Variants in CEP112 observed in about 807,000 individuals in gnomAD.
CEP112 encodes the protein centrosomal protein of 112 kDa.
In CEP112, 127 loss-of-function variants were observed where a neutral mutation model predicts 153.0. The observed-to-expected ratio is 0.83, with a 90% CI of 0.72 to 0.96. The LOEUF (loss-of-function observed/expected upper bound fraction) is 0.96. Ranked by LOEUF, CEP112 falls within the 40% of genes least tolerant of loss-of-function variation. CEP112 has a pLI of 0.00. For missense variants in CEP112, 1,089 were observed against 1,101.2 expected, an observed-to-expected ratio of 0.99 and a Z score of 0.16; for synonymous variants, 358 against 374.4, an observed-to-expected ratio of 0.96 and a Z score of 0.51.
chr17:65,948,593 CAT>C (rs1009733594), intron 18 of CEP112, among the ~76,000 whole-genome samples: 18 of 44,036 alleles, frequency 4.1e-4, no homozygotes, highest in East Asian at 7.5e-3. Context: ...TATATATATA[CAT>C]ACATAGAAAT....
At chr17:66,162,390 C>T (rs1034653038) in intron 4 of CEP112, among the ~76,000 whole-genome samples, 3 of 152,100 alleles carry the variant, frequency 2.0e-5, no homozygotes, top group East Asian at 1.9e-4. Flanking sequence ...TAAACTGGTA[C>T]AGCCACTTTG....
intron 6 of CEP112, among the ~76,000 whole-genome samples, chr17:66,117,085 G>A (rs1568508971): frequency 6.6e-6 from 1 of 151,744 alleles, no homozygotes; most frequent in Non-Finnish European, 1.5e-5. Context: ...TAGTAGAGAC[G>A]GGGTTTCACC....
intron 23 of CEP112, among the ~76,000 whole-genome samples, chr17:65,727,440 C>G (rs543416023): frequency 6.6e-6 from 1 of 152,256 alleles, no homozygotes; most frequent in East Asian, 1.9e-4. Context: ...AAGCTGAGAG[C>G]CTTTTGGCAG....
intron 21 of CEP112, among the ~76,000 whole-genome samples, chr17:65,841,917 C>T (rs1278418857): frequency 6.6e-6 from 1 of 151,928 alleles, no homozygotes; most frequent in Non-Finnish European, 1.5e-5. Context: ...TACACACACA[C>T]ACACACACGA....
intron 11 of CEP112, 95 bp downstream of exon 11, chr17:66,062,868 C>T: frequency 3.5e-6 from 2 of 568,286 alleles, no homozygotes; most frequent in Non-Finnish European, 5.8e-6. Flanking sequence ...TTAAACTTTT[C>T]TGTATATTCT....
intron 17 of CEP112, among the ~76,000 whole-genome samples, chr17:65,966,218 A>G (rs2062409447): frequency 6.6e-6 from 1 of 152,242 alleles, no homozygotes; most frequent in Non-Finnish European, 1.5e-5. Flanking sequence ...AGAAAAAAGA[A>G]GCTGCATTGT....
chr17:65,922,703 G>GGTTTTCCCTTCTCCCCT (rs1279634610), intron 19 of CEP112, among the ~76,000 whole-genome samples: 54 of 151,930 alleles, frequency 3.6e-4, no homozygotes, highest in African/African-American at 1.2e-3. Flanking sequence ...CTTTAAATTT[G>GGTTTTCCCTTCTCCCCT]GTTTTCCCTT....
intron 4 of CEP112, among the ~76,000 whole-genome samples, chr17:66,135,012 A>G (rs1468612142): frequency 6.6e-6 from 1 of 152,190 alleles, no homozygotes; most frequent in African/African-American, 2.4e-5. Context: ...TTTTCAAATA[A>G]TAAGTTTTGC....
At chr17:65,860,687 A>G (rs2058287022) in intron 20 of CEP112, among the ~76,000 whole-genome samples, 1 of 152,232 alleles carries the variant, frequency 6.6e-6, no homozygotes, top group Non-Finnish European at 1.5e-5. Flanking sequence ...AGTTATTCAT[A>G]TTGGGAAAAA....
chr17:65,805,975 A>G (rs2055574598), intron 21 of CEP112, among the ~76,000 whole-genome samples: 1 of 152,232 alleles, frequency 6.6e-6, no homozygotes, highest in Admixed American at 6.5e-5. Context: ...AATATTTGAC[A>G]CAAAAGCAGA....
Position 65,830,309 on chromosome 17 carries a change from A to G in CEP112, c.2394+21495T>C, listed in dbSNP as rs78825259. Among the ~76,000 whole-genome samples, 162 of 152,366 alleles carry G rather than the reference A, an allele frequency of 1.1e-3. No homozygotes were observed. The East Asian group carries it at 0.029, about 27-fold the overall frequency. On this transcript the variant is annotated intron_variant, in intron 21 of 26. Transcript: ENST00000535342. ...ATCAAGAGAAGCCATGACTGGTAAG[A>G]GAAATATTCATGTTGGACTATGCTG...
intron 18 of CEP112, among the ~76,000 whole-genome samples, chr17:65,936,366 G>A (rs1285860678): frequency 6.6e-6 from 1 of 152,108 alleles, no homozygotes; most frequent in Non-Finnish European, 1.5e-5. Flanking sequence ...TATCAATCCT[G>A]CTCAAACTCT....
rs145867567 is a variant in CEP112, at chr17:66,123,989, C to T, written c.642+5757G>A. On this transcript the variant is annotated intron_variant, in intron 6 of 26. Transcript: ENST00000535342. The stretch of plus-strand genomic sequence containing the variant: ...AGTCAACTGCATTCAGATCAGTCTG[C>T]GAATTCCATCTCTCCTACGGACAGT... Among the ~76,000 whole-genome samples the T allele has an allele frequency of 3.9e-5, 6 of 152,242 alleles. No homozygotes were observed. In the South Asian group the frequency reaches 6.2e-4, roughly 16 times the overall value.
intron 21 of CEP112, among the ~76,000 whole-genome samples, chr17:65,810,673 G>A (rs534758648): frequency 7.9e-5 from 12 of 151,670 alleles, no homozygotes; most frequent in African/African-American, 2.4e-4. Flanking sequence ...TTTGGCATAC[G>A]TGATCAAAGA....
intron 24 of CEP112, among the ~76,000 whole-genome samples, chr17:65,686,511 G>C (rs1391865943): frequency 5.3e-5 from 8 of 152,190 alleles, no homozygotes; most frequent in Admixed American, 2.0e-4. Flanking sequence ...CCACAAACTA[G>C]AGAAGCCCCA....
chr17:65,988,659 CA>C (rs566909439), intron 17 of CEP112, among the ~76,000 whole-genome samples: 2 of 151,980 alleles, frequency 1.3e-5, no homozygotes, highest in Non-Finnish European at 2.9e-5. Context: ...CTCTCAATAG[CA>C]GAATGGTTCA....
chr17:66,005,111 TA>T (rs1286030622), intron 17 of CEP112, among the ~76,000 whole-genome samples: 1 of 152,208 alleles, frequency 6.6e-6, no homozygotes, highest in Non-Finnish European at 1.5e-5. Flanking sequence ...TTAAGTTATC[TA>T]AATGAATCAA....
At chr17:66,164,388 T>C (rs1190558706) in intron 4 of CEP112, among the ~76,000 whole-genome samples, 1 of 151,450 alleles carries the variant, frequency 6.6e-6, no homozygotes, top group Non-Finnish European at 1.5e-5. Flanking sequence ...CAAGACCCCG[T>C]CTCTACCAAA....
intron 17 of CEP112, among the ~76,000 whole-genome samples, chr17:65,977,221 C>T (rs563099999): frequency 7.9e-5 from 12 of 152,238 alleles, no homozygotes; most frequent in African/African-American, 1.4e-4. Flanking sequence ...GCATCTGCCC[C>T]GCTTTCCTCT....
Sources: allele counts gnomAD v4.1 joint callset (sites outside exome capture counted in the v4.1 genomes callset), GRCh38; gene constraint gnomAD v4.1.1; transcripts MANE v1.5; gene names NCBI Gene and HGNC (gene_info 2026-07-23, HGNC 2026-07-21).